Variants in TP53BP2 observed in about 807,000 individuals in gnomAD.
The protein encoded by TP53BP2 is tumor protein p53 binding protein 2.
In TP53BP2, 62 loss-of-function variants were observed where a neutral mutation model predicts 126.2. That is an observed-to-expected ratio of 0.49 (90% confidence interval 0.40 to 0.61). The LOEUF (loss-of-function observed/expected upper bound fraction) is 0.61, where lower values mean the gene tolerates loss of function less well. TP53BP2 is among the 20% of genes least tolerant of loss of function. The probability of loss-of-function intolerance (pLI) is 0.00; values close to 1 mark genes in which losing one functional copy is unlikely to be tolerated. For missense variants in TP53BP2, 1,215 were observed against 1,402.8 expected (o/e 0.87, Z 2.14); for synonymous variants, 485 against 502.9 (o/e 0.96, Z 0.48).
intron 1 of TP53BP2, among the ~76,000 whole-genome samples, chr1:223,835,800 A>C (rs1663901837): frequency 6.6e-6 from 1 of 152,224 alleles, no homozygotes; most frequent in Non-Finnish European, 1.5e-5. Context: ...CCATGTCCTC[A>C]CAGAGCTTAT....
intron 2 of TP53BP2, among the ~76,000 whole-genome samples, chr1:223,820,137 T>C (rs1482812415): frequency 6.6e-6 from 1 of 152,192 alleles, no homozygotes; most frequent in Non-Finnish European, 1.5e-5. Context: ...TGACAGTATC[T>C]GGAGACAGAG....
chr1:223,836,490 A>G (rs1458452535), intron 1 of TP53BP2, among the ~76,000 whole-genome samples: 2 of 152,222 alleles, frequency 1.3e-5, no homozygotes, highest in East Asian at 1.9e-4. Context: ...AAATGTATCA[A>G]TGACACAAAA....
rs762902406 is a variant in TP53BP2 at position 223,796,606 on chromosome 1, A to T, written c.1949-16T>A. The T allele has an allele frequency of 2.6e-6, 4 of 1,540,338 alleles. No homozygotes were observed. The highest frequency in any genetic ancestry group is 2.2e-5 in the Admixed American group (1 of 45,718). On this transcript the variant is annotated splice_polypyrimidine_tract_variant and intron_variant, in intron 12 of 17. Transcript: ENST00000343537. The surrounding 1 kb of genome is among the most constrained non-coding windows in gnomAD (Gnocchi z 4.2). The stretch of plus-strand genomic sequence containing the variant: ...TTACCATATACTAATTGGAAAAGGA[A>T]AAAAAAAAGCCCTCATTAGCATTAA...
intron 1 of TP53BP2, among the ~76,000 whole-genome samples, chr1:223,837,154 A>G (rs78942879): frequency 0.19 from 12,867 of 69,350 alleles, 819 homozygotes; most frequent in East Asian, 0.32. Flanking sequence ...TTAAAAAAAA[A>G]AGGGGGGGGG....
chr1:223,811,585 G>C (rs1005495761), intron 3 of TP53BP2, among the ~76,000 whole-genome samples: 1 of 152,106 alleles, frequency 6.6e-6, no homozygotes, highest in African/African-American at 2.4e-5. Flanking sequence ...GTCTTAAAGA[G>C]AGAGCACTTA....
At chr1:223,843,617 TACC>T (rs1249130849) in intron 1 of TP53BP2, among the ~76,000 whole-genome samples, 2 of 152,200 alleles carry the variant, frequency 1.3e-5, no homozygotes, top group Non-Finnish European at 2.9e-5. Flanking sequence ...ATGTATATTT[TACC>T]ACAATAAAAG....
intron 1 of TP53BP2, among the ~76,000 whole-genome samples, chr1:223,838,168 TTC>T (rs1435844299): frequency 3.3e-5 from 5 of 152,266 alleles, no homozygotes; most frequent in South Asian, 2.1e-4. Context: ...TTTGTTTATT[TTC>T]TCTCTCTCCC....
Position 223,807,002 on chromosome 1 carries a change from G to C in TP53BP2, c.373-55C>G, listed in dbSNP as rs1662746123. ...CCCAGCTTACTATAAAACTACCACA[G>C]AGATTCCGCCCTCAAAGGTCTATGT... On this transcript the variant is annotated intron_variant, in intron 4 of 17. Transcript: ENST00000343537. The C allele has an allele frequency of 2.2e-6, 3 of 1,354,858 alleles. No homozygotes were observed. In the African/African-American group the frequency reaches 4.3e-5, roughly 20 times the overall value. The allele number at this position is 1,354,858 out of a possible 1,614,324, so 83.9% of individuals were successfully genotyped here. A position where few individuals can be genotyped will look rare whatever the true frequency, so the allele number is the denominator to read the frequency against.
chr1:223,819,869 G>C (rs1663239945), intron 2 of TP53BP2, among the ~76,000 whole-genome samples: 2 of 152,150 alleles, frequency 1.3e-5, no homozygotes, highest in South Asian at 4.1e-4. Context: ...CTTGAGCTGG[G>C]GATACAGCAG....
intron 3 of TP53BP2, among the ~76,000 whole-genome samples, chr1:223,812,170 G>A (rs1259236364): frequency 6.6e-6 from 1 of 152,148 alleles, no homozygotes; most frequent in Non-Finnish European, 1.5e-5. Flanking sequence ...GCTTGGCTGA[G>A]GTGATTCAGG....
intron 2 of TP53BP2, among the ~76,000 whole-genome samples, chr1:223,816,844 A>G (rs1663102753): frequency 1.3e-5 from 2 of 151,390 alleles, no homozygotes; most frequent in Non-Finnish European, 2.9e-5. Flanking sequence ...TACCTTAAAT[A>G]TACACATTAA....
intron 11 of TP53BP2, 47 bp from the exon 12 acceptor site, chr1:223,798,724 T>C (rs1558093591): frequency 7.1e-7 from 1 of 1,416,214 alleles, no homozygotes; most frequent in Non-Finnish European, 9.6e-7. Flanking sequence ...TATAACTGGG[T>C]ACACAGGATG....
chr1:223,806,145 A>G (rs1275088379), intron 5 of TP53BP2, among the ~76,000 whole-genome samples: 2 of 152,220 alleles, frequency 1.3e-5, no homozygotes, highest in African/African-American at 4.8e-5. Context: ...ACAGTATTAG[A>G]TTAATCTGAT....
In TP53BP2 at chr1:223,796,673, TA is replaced by T; in HGVS notation, c.1949-84del. 1 of 1,299,364 alleles carries T rather than the reference TA, an allele frequency of 7.7e-7. No individual in the cohort carries two copies. Among genetic ancestry groups the T allele is most frequent in the Non-Finnish European group, 1.0e-6 (1 of 957,038 alleles). The allele number at this position is 1,299,364 out of a possible 1,614,324, so 80.5% of individuals were successfully genotyped here. A position where few individuals can be genotyped will look rare whatever the true frequency, so the allele number is the denominator to read the frequency against. On this transcript the variant is annotated intron_variant, in intron 12 of 17. Transcript: ENST00000343537. This position sits in a 1 kb window ranked among gnomAD's most constrained non-coding sequence, Gnocchi z 4.2. Reference sequence around the variant, plus strand: ...AGAAACAGAAACAGCTAACAATAACTAAAGCCTCTTTTAATTTCATAGTTGT... The same window carrying T: ...AGAAACAGAAACAGCTAACAATAACTAAGCCTCTTTTAATTTCATAGTTGT...
intron 2 of TP53BP2, among the ~76,000 whole-genome samples, chr1:223,815,502 A>G (rs2102867124): frequency 1.3e-5 from 2 of 152,338 alleles, no homozygotes; most frequent in Middle Eastern, 6.8e-3. Context: ...AAAACAAGTA[A>G]AATCTCCAGG....
intron 5 of TP53BP2, among the ~76,000 whole-genome samples, chr1:223,805,486 T>C (rs1662683567): frequency 6.6e-6 from 1 of 152,202 alleles, no homozygotes; most frequent in Admixed American, 6.5e-5. Context: ...ATATGTATCT[T>C]AAGGTTTGAG....
chr1:223,828,683 G>A (rs763904395), intron 1 of TP53BP2, among the ~76,000 whole-genome samples: 11 of 152,144 alleles, frequency 7.2e-5, no homozygotes, highest in South Asian at 2.1e-4. Flanking sequence ...ACACGCTACC[G>A]CACAGATAAA....
chr1:223,810,237 C>T (rs958052837), intron 4 of TP53BP2, among the ~76,000 whole-genome samples, 194 bp downstream of exon 4: 1 of 152,202 alleles, frequency 6.6e-6, no homozygotes, highest in African/African-American at 2.4e-5. Flanking sequence ...TCACATTAAA[C>T]ATACAACTTC....
At chr1:223,806,993 A>C (rs1406013153) in intron 4 of TP53BP2, 46 bp from the exon 5 acceptor site, 19 of 1,437,624 alleles carry the variant, frequency 1.3e-5, no homozygotes, top group Non-Finnish European at 1.8e-5. Flanking sequence ...TTACTATAAA[A>C]CTACCACAGA....
Sources: gnomAD v4.1 joint callset for allele counts (sites outside exome capture counted in the v4.1 genomes callset) on GRCh38, gnomAD v4.1.1 for gene constraint, Gnocchi (gnomAD v3.1) non-coding constraint, MANE v1.5 for transcripts, NCBI Gene and HGNC (gene_info 2026-07-23, HGNC 2026-07-21) for gene names.